Variants in DLC1 observed in about 807,000 individuals in gnomAD.
DLC1 encodes DLC1 Rho GTPase activating protein, also known as rho GTPase-activating protein 7.
In DLC1, 54 loss-of-function variants were observed where a neutral mutation model predicts 140.3. The ratio of observed to expected loss-of-function variants is 0.38; its 90% CI spans 0.31 to 0.48. The LOEUF is 0.48. Among genes scored for constraint, DLC1 ranks in the 20% least tolerant of loss-of-function variants. The pLI, the probability that DLC1 is intolerant of heterozygous loss-of-function variation, is 0.96. For missense variants in DLC1, 2,536 were observed against 1,907.0 expected (o/e 1.33, Z -6.14); for synonymous variants, 986 against 728.1 (o/e 1.35, Z -5.70).
intron 1 of DLC1, among the ~76,000 whole-genome samples, chr8:13,525,590 T>C (rs1383771563): frequency 2.0e-5 from 3 of 152,308 alleles, no homozygotes; most frequent in South Asian, 2.1e-4. Context: ...CGATTAGTAA[T>C]GTTGAGAATC....
At chr8:13,411,271 A>G (rs1837767856) in intron 2 of DLC1, among the ~76,000 whole-genome samples, 1 of 152,196 alleles carries the variant, frequency 6.6e-6, no homozygotes, top group Non-Finnish European at 1.5e-5. Context: ...GATATGGAGG[A>G]AATTTAAATG....
chr8:13,343,595 C>T (rs1242346412), intron 4 of DLC1, among the ~76,000 whole-genome samples: 2 of 152,032 alleles, frequency 1.3e-5, no homozygotes, highest in Admixed American at 1.3e-4. Context: ...TGTTGTTATC[C>T]CCATTTTGTC....
At chr8:13,222,741 G>A (rs1204855732) in intron 5 of DLC1, among the ~76,000 whole-genome samples, 1 of 152,020 alleles carries the variant, frequency 6.6e-6, no homozygotes, top group Non-Finnish European at 1.5e-5. Context: ...CTAAATTTTT[G>A]AGGGGTGTGT....
At chr8:13,469,109 G>A (rs1333529039) in intron 2 of DLC1, among the ~76,000 whole-genome samples, 1 of 152,072 alleles carries the variant, frequency 6.6e-6, no homozygotes, top group Non-Finnish European at 1.5e-5. Context: ...GTGAGCCACC[G>A]CGCCCAGCCT....
At chr8:13,508,317 C>A (rs757127888) in intron 1 of DLC1, among the ~76,000 whole-genome samples, 1 of 152,174 alleles carries the variant, frequency 6.6e-6, no homozygotes, top group Non-Finnish European at 1.5e-5. Flanking sequence ...ATGATATTCT[C>A]CTGATATCAC....
At chr8:13,244,908 G>T (rs1182860056) in intron 5 of DLC1, among the ~76,000 whole-genome samples, 2 of 152,186 alleles carry the variant, frequency 1.3e-5, no homozygotes, top group Non-Finnish European at 1.5e-5. Context: ...GAAGACGGTT[G>T]CTTATACTAT....
intron 4 of DLC1, among the ~76,000 whole-genome samples, chr8:13,363,084 A>G (rs886485807): frequency 6.6e-6 from 1 of 152,206 alleles, no homozygotes; most frequent in Admixed American, 6.5e-5. Flanking sequence ...CAGAGCCTAC[A>G]CTTTGTGGGG....
chr8:13,599,185 C>G (rs1480208647), intron 1 of DLC1, among the ~76,000 whole-genome samples: 5 of 150,982 alleles, frequency 3.3e-5, no homozygotes, highest in Non-Finnish European at 7.4e-5. Flanking sequence ...GTGAATAAGA[C>G]AAAGGGAAGA....
intron 3 of DLC1, 123 bp downstream of exon 3, chr8:13,401,347 T>C: frequency 8.0e-7 from 1 of 1,243,098 alleles, no homozygotes; most frequent in South Asian, 1.7e-5. Context: ...ATCTTTATGG[T>C]ACTGTACTGG....
At chr8:13,326,899 A>C (rs1249740233) in intron 4 of DLC1, among the ~76,000 whole-genome samples, 2 of 152,172 alleles carry the variant, frequency 1.3e-5, no homozygotes, top group Non-Finnish European at 2.9e-5. Flanking sequence ...GCTGCACCCA[A>C]GGTGAATTTG....
intron 2 of DLC1, among the ~76,000 whole-genome samples, chr8:13,439,110 AG>A (rs1839246610): frequency 6.6e-6 from 1 of 152,158 alleles, no homozygotes; most frequent in African/African-American, 2.4e-5. Flanking sequence ...GTAGATTACA[AG>A]GTCAAGAGTT....
intron 6 of DLC1, 147 bp from the exon 7 acceptor site, chr8:13,110,970 G>T: frequency 1.5e-6 from 1 of 686,956 alleles, no homozygotes; most frequent in South Asian, 1.9e-5. Flanking sequence ...AGTTCTATGG[G>T]ACTATAAGGC....
chr8:13,460,570 G>A (rs1363413402), intron 2 of DLC1, among the ~76,000 whole-genome samples: 1 of 152,194 alleles, frequency 6.6e-6, no homozygotes, highest in Admixed American at 6.5e-5. Context: ...CACCCTAAAG[G>A]GTATGAGAGT....
Position 13,547,229 on chromosome 8 carries a change from C to A in DLC1, c.-125-47033G>T, listed in dbSNP as rs562021563. Among the ~76,000 whole-genome samples, 12 of 151,902 alleles carry A rather than the reference C, an allele frequency of 7.9e-5. 1 individual carries two copies. In the South Asian group the frequency reaches 2.5e-3, roughly 32 times the overall value. On this transcript the variant is annotated intron_variant, in intron 1 of 1. Transcript: ENST00000631382. ...AACAACTGAACAATTTTTTTATGACCTTCTGAATATTTTTAGTAATTATTA... is the reference window on the plus strand; with the variant it reads ...AACAACTGAACAATTTTTTTATGACATTCTGAATATTTTTAGTAATTATTA...
intron 15 of DLC1, among the ~76,000 whole-genome samples, chr8:13,088,907 A>G (rs891231532): frequency 6.6e-6 from 1 of 152,208 alleles, no homozygotes; most frequent in Non-Finnish European, 1.5e-5. Flanking sequence ...GCTGTCCCCA[A>G]GCATATTTAA....
intron 5 of DLC1, among the ~76,000 whole-genome samples, chr8:13,185,034 TC>T (rs1283319439): frequency 6.6e-6 from 1 of 152,014 alleles, no homozygotes; most frequent in Non-Finnish European, 1.5e-5. Flanking sequence ...GTTGAATTGA[TC>T]CCTTTACCAT....
At chr8:13,449,834 GT>G in intron 2 of DLC1, among the ~76,000 whole-genome samples, 1 of 152,054 alleles carries the variant, frequency 6.6e-6, no homozygotes, top group Admixed American at 6.5e-5. Context: ...AAAATCCTGT[GT>G]TTCCATTTTG....
At chr8:13,580,325 G>T (rs1585298572) in intron 1 of DLC1, among the ~76,000 whole-genome samples, 1 of 152,192 alleles carries the variant, frequency 6.6e-6, no homozygotes, top group East Asian at 1.9e-4. Context: ...GTTTCGCCGT[G>T]TTAGCCAGGA....
chr8:13,141,164 A>T, intron 5 of DLC1, among the ~76,000 whole-genome samples: 1 of 149,536 alleles, frequency 6.7e-6, no homozygotes, highest in East Asian at 2.0e-4. Context: ...CTGAGGCAGG[A>T]GAATCACTTG....
Sources: gnomAD v4.1 joint callset for allele counts (sites outside exome capture counted in the v4.1 genomes callset) on GRCh38, gnomAD v4.1.1 for gene constraint, MANE v1.5 for transcripts, NCBI Gene and HGNC (gene_info 2026-07-23, HGNC 2026-07-21) for gene names.